EPHA6: variants seen among roughly 807,000 people sequenced by gnomAD.
EPHA6 encodes the protein ephrin type-A receptor 6.
In EPHA6, 50 loss-of-function variants were observed where a neutral mutation model predicts 112.0. The ratio of observed to expected loss-of-function variants is 0.45; its 90% CI spans 0.36 to 0.56. EPHA6 has a LOEUF of 0.56. Ranked by LOEUF, EPHA6 falls within the 20% of genes least tolerant of loss-of-function variation. The probability of loss-of-function intolerance (pLI) is 0.00; values close to 1 mark genes in which losing one functional copy is unlikely to be tolerated. For synonymous variants in EPHA6, 529 were observed against 490.7 expected, an observed-to-expected ratio of 1.08 and a Z score of -1.03; for missense variants, 1,280 against 1,417.4, an observed-to-expected ratio of 0.90 and a Z score of 1.56.
chr3:96,860,927 A>G (rs1228997857), intron 1 of EPHA6, among the ~76,000 whole-genome samples: 3 of 152,112 alleles, frequency 2.0e-5, no homozygotes, highest in African/African-American at 7.2e-5. Context: ...TTAACCACAC[A>G]GATAACAGAA....
intron 3 of EPHA6, among the ~76,000 whole-genome samples, chr3:97,054,598 A>G (rs977651177): frequency 6.6e-6 from 1 of 152,138 alleles, no homozygotes; most frequent in Admixed American, 6.6e-5. Flanking sequence ...TTTCTAAGTC[A>G]TTATGTCATT....
intron 14 of EPHA6, among the ~76,000 whole-genome samples, chr3:97,664,936 A>G (rs985896276): frequency 2.4e-4 from 36 of 152,202 alleles, no homozygotes; most frequent in Non-Finnish European, 4.7e-4. Flanking sequence ...TCAAGCTACC[A>G]ATGACTTTCT....
chr3:97,027,549 C>T (rs891909957), intron 3 of EPHA6, among the ~76,000 whole-genome samples: 4 of 152,112 alleles, frequency 2.6e-5, no homozygotes, highest in African/African-American at 9.7e-5. Flanking sequence ...TGTGTTGATT[C>T]TTCTTGAAGA....
At chr3:96,844,098 G>C in intron 1 of EPHA6, among the ~76,000 whole-genome samples, 1 of 151,966 alleles carries the variant, frequency 6.6e-6, no homozygotes, top group Non-Finnish European at 1.5e-5. Context: ...AAAAGATTCT[G>C]GGGTGTATAC....
At chr3:97,715,894 T>A (rs2107777658) in intron 14 of EPHA6, among the ~76,000 whole-genome samples, 1 of 152,324 alleles carries the variant, frequency 6.6e-6, no homozygotes, top group Middle Eastern at 3.4e-3. Flanking sequence ...CTAATAAACA[T>A]TTTAGTACCC....
intron 12 of EPHA6, among the ~76,000 whole-genome samples, chr3:97,607,396 A>G (rs1393399081): frequency 6.6e-6 from 1 of 151,124 alleles, no homozygotes; most frequent in East Asian, 1.9e-4. Flanking sequence ...ATATTCCCTT[A>G]AAGTCTTAAT....
chr3:97,199,461 A>G (rs908023818), intron 3 of EPHA6, among the ~76,000 whole-genome samples: 7 of 152,142 alleles, frequency 4.6e-5, no homozygotes, highest in Non-Finnish European at 8.8e-5. Flanking sequence ...CCTGGCAAAC[A>G]ACCAGGGCAT....
intron 1 of EPHA6, among the ~76,000 whole-genome samples, chr3:96,833,751 A>T (rs2034231435): frequency 6.6e-6 from 1 of 152,010 alleles, no homozygotes; most frequent in Non-Finnish European, 1.5e-5. Context: ...CTTTCCTTCA[A>T]AACTAACTGC....
rs933447293 is a variant in EPHA6 at position 97,629,085 on chromosome 3, C to T, written c.2575-8788C>T. ...AGCTGGGACCACAGGCATACACCAC[C>T]GCGCTAGCTAATTTTTTATTTTTGT... On this transcript the variant is annotated intron_variant, in intron 13 of 17. Transcript: ENST00000389672. 5.3e-5 allele frequency among the ~76,000 whole-genome samples: 8 copies of T among 151,950 alleles called. No homozygotes were observed. In the South Asian group the frequency reaches 6.2e-4, roughly 12 times the overall value.
At chr3:97,304,935 C>CA (rs1208893658) in intron 5 of EPHA6, among the ~76,000 whole-genome samples, 3 of 152,064 alleles carry the variant, frequency 2.0e-5, no homozygotes, top group African/African-American at 4.8e-5. Flanking sequence ...AAGAAACTAT[C>CA]ATCAGAGTGA....
At chr3:97,728,067 T>C (rs563555624) in intron 15 of EPHA6, among the ~76,000 whole-genome samples, 1 of 5,528 alleles carries the variant, frequency 1.8e-4, no homozygotes, top group Admixed American at 1.8e-3. Flanking sequence ...TTACTAGCTT[T>C]AGAACTTATG....
chr3:97,722,567 C>T (rs2034576287), intron 15 of EPHA6, among the ~76,000 whole-genome samples: 1 of 152,054 alleles, frequency 6.6e-6, no homozygotes, highest in Non-Finnish European at 1.5e-5. Context: ...CATGTAGCTC[C>T]TCACGTAGGG....
At chr3:96,921,905 G>T (rs6765314) in intron 2 of EPHA6, among the ~76,000 whole-genome samples, 10,493 of 152,062 alleles carry the variant, frequency 0.069, 716 homozygotes, top group Admixed American at 0.21. Flanking sequence ...TTGTGTATTT[G>T]TGATAACACA....
intron 10 of EPHA6, among the ~76,000 whole-genome samples, chr3:97,516,007 G>A (rs778325132): frequency 4.0e-5 from 6 of 151,230 alleles, no homozygotes; most frequent in African/African-American, 7.3e-5. Flanking sequence ...TAGACCTTAC[G>A]GACCTAGCAA....
chr3:97,050,139 G>A (rs1339034205), intron 3 of EPHA6, among the ~76,000 whole-genome samples: 3 of 152,124 alleles, frequency 2.0e-5, no homozygotes, highest in Admixed American at 1.3e-4. Context: ...TCAGACCAAC[G>A]TGATGTGGTA....
chr3:97,368,822 T>C (rs2084887976), intron 5 of EPHA6, among the ~76,000 whole-genome samples: 1 of 152,112 alleles, frequency 6.6e-6, no homozygotes, highest in Admixed American at 6.6e-5. Context: ...CTTGTGACAA[T>C]GATCACCACT....
At chr3:97,378,031 C>T (rs907610083) in intron 5 of EPHA6, among the ~76,000 whole-genome samples, 9 of 152,200 alleles carry the variant, frequency 5.9e-5, no homozygotes, top group Non-Finnish European at 1.3e-4. Context: ...GGGAAAATGT[C>T]TCCAGGGCAT....
At chr3:97,092,523 T>G (rs993782985) in intron 3 of EPHA6, among the ~76,000 whole-genome samples, 2 of 152,090 alleles carry the variant, frequency 1.3e-5, no homozygotes, top group African/African-American at 4.8e-5. Context: ...TTTCAATGAA[T>G]GTGGAAGACA....
chr3:97,375,191 T>C (rs2085283721), intron 5 of EPHA6, among the ~76,000 whole-genome samples: 1 of 152,136 alleles, frequency 6.6e-6, no homozygotes, highest in Non-Finnish European at 1.5e-5. Context: ...GGTCATCCTA[T>C]TACAAAGGGC....
Sources: allele counts gnomAD v4.1 joint callset (sites outside exome capture counted in the v4.1 genomes callset), GRCh38; gene constraint gnomAD v4.1.1; transcripts MANE v1.5; gene names NCBI Gene and HGNC (gene_info 2026-07-23, HGNC 2026-07-21).